Variants in TSNAX observed in about 807,000 individuals in gnomAD.
TSNAX encodes the protein translin-associated protein X.
TSNAX carries 12 observed loss-of-function variants against 33.0 expected under a neutral mutation model. The ratio of observed to expected loss-of-function variants is 0.36; its 90% CI spans 0.23 to 0.59. The LOEUF (loss-of-function observed/expected upper bound fraction) is 0.59. Ranked by LOEUF, TSNAX falls within the 20% of genes least tolerant of loss-of-function variation. The pLI is 0.74. For missense variants in TSNAX, 267 were observed against 341.3 expected (o/e 0.78, Z 1.72); for synonymous variants, 110 against 117.2 (o/e 0.94, Z 0.40).
At chr1:231,543,997 A>C (rs201164799) in intron 4 of TSNAX, among the ~76,000 whole-genome samples, 2 of 152,182 alleles carry the variant, frequency 1.3e-5, no homozygotes, top group Non-Finnish European at 2.9e-5. Flanking sequence ...AAGGTAAATC[A>C]AGCTTGGCAG....
At position 231,529,351 on chromosome 1, in the gene TSNAX, C is replaced by T; in HGVS notation, c.113C>T (p.Ala38Val). The change falls in exon 2 of 6, where the codon GCC becomes GTC. Residue 38 changes from alanine (A) to valine (V), a missense_variant. Coordinates refer to ENST00000366639, the MANE Select transcript of TSNAX (RefSeq NM_005999.3). ...DVNSSSPVML[A>V]FKSFQQELDA... is the part of the protein sequence containing the mutation. The stretch of plus-strand genomic sequence containing the variant: ...AATTCATCTTCACCCGTGATGTTGG[C>T]CTTTAAATGTAAGTTCTCTGCAATG... 6.2e-7 allele frequency: 1 copy of T among 1,613,884 alleles called. No individual in the cohort carries two copies. Among genetic ancestry groups the T allele is most frequent in the Non-Finnish European group, 8.5e-7 (1 of 1,179,894 alleles).
chr1:231,554,241 T>C (rs1660542076), intron 4 of TSNAX, among the ~76,000 whole-genome samples: 1 of 152,058 alleles, frequency 6.6e-6, no homozygotes, highest in South Asian at 2.1e-4. Context: ...ACTAACCTTG[T>C]TAGAAAGTAT....
At position 231,565,790 on chromosome 1, in the gene TSNAX, T is replaced by C. The variant is rs1166079426; in HGVS notation, c.*885T>C. The C allele has an allele frequency of 6.6e-6, 1 of 152,212 alleles. No individual in the cohort carries two copies. The highest frequency in any genetic ancestry group is 1.9e-4 in the East Asian group (1 of 5,202). 9.4% of individuals were successfully genotyped at this position (152,212 alleles called of 1,614,324 possible). ...GTATTATAGTGAAAAATTCGCATTCTGGCTGATTTTAAGCCATTTAAAATT... is the reference window on the plus strand; with the variant it reads ...GTATTATAGTGAAAAATTCGCATTCCGGCTGATTTTAAGCCATTTAAAATT... On this transcript the variant is annotated 3_prime_UTR_variant, in exon 6 of 6. Transcript: ENST00000366639.
chr1:231,528,837 T>C lies in TSNAX; in HGVS notation c.16+11T>C. On this transcript the variant is annotated intron_variant, in intron 1 of 5. Coordinates refer to ENST00000366639, the MANE Select transcript of TSNAX (RefSeq NM_005999.3). ...TGAGCAACAAAGAAGGTGGCGTCCT[T>C]AACAACACGGGGCGTTATTTATCCG... 1 of 1,614,202 alleles carries C rather than the reference T, an allele frequency of 6.2e-7. No individual in the cohort carries two copies. Among genetic ancestry groups the C allele is most frequent in the South Asian group, 1.1e-5 (1 of 91,084 alleles).
At chr1:231,543,676 G>T (rs1471041198) in intron 4 of TSNAX, among the ~76,000 whole-genome samples, 1 of 152,108 alleles carries the variant, frequency 6.6e-6, no homozygotes, top group East Asian at 1.9e-4. Context: ...CAGAAATGTT[G>T]ATATGTCTTC....
intron 2 of TSNAX, among the ~76,000 whole-genome samples, chr1:231,529,924 C>T (rs933518525): frequency 6.6e-6 from 1 of 152,230 alleles, no homozygotes; most frequent in African/African-American, 2.4e-5. Context: ...CTGTACCTTA[C>T]GTTTCTGTGA....
intron 2 of TSNAX, 61 bp from the exon 3 acceptor site, chr1:231,537,152 A>T: frequency 7.5e-7 from 1 of 1,330,408 alleles, no homozygotes; most frequent in Non-Finnish European, 1.1e-6. Context: ...CATCTTAAAA[A>T]TATTGTTTGG....
chr1:231,532,193 G>A (rs908819464), intron 2 of TSNAX, among the ~76,000 whole-genome samples: 1 of 47,386 alleles, frequency 2.1e-5, no homozygotes, highest in Non-Finnish European at 4.2e-5. Flanking sequence ...CACAGTTTTG[G>A]TTTTTTTTTT....
At position 231,531,128 on chromosome 1, in the gene TSNAX, T is replaced by A. The variant is rs959033439; in HGVS notation, c.121+1769T>A. 3.5e-4 allele frequency among the ~76,000 whole-genome samples: 54 copies of A among 152,190 alleles called. 1 individual carries two copies. Among genetic ancestry groups the A allele is most frequent in the African/African-American group, 5.8e-4 (24 of 41,514 alleles). The stretch of plus-strand genomic sequence containing the variant: ...CGTGTGTCACCATGCCTAATTTTTT[T>A]AAATTTTTTTGTAGAGACAGGGTTT... On this transcript the variant is annotated intron_variant, in intron 2 of 5. Coordinates refer to ENST00000366639, the MANE Select transcript of TSNAX (RefSeq NM_005999.3).
intron 3 of TSNAX, among the ~76,000 whole-genome samples, chr1:231,539,719 A>G (rs1273659023): frequency 1.3e-5 from 2 of 152,244 alleles, no homozygotes; most frequent in Non-Finnish European, 2.9e-5. Flanking sequence ...GATAGCCTCT[A>G]TCAACTAGCA....
At chr1:231,545,333 A>G (rs1158709876) in intron 4 of TSNAX, among the ~76,000 whole-genome samples, 1 of 152,200 alleles carries the variant, frequency 6.6e-6, no homozygotes, top group Non-Finnish European at 1.5e-5. Context: ...CCTCATTAAG[A>G]ATAGTGCTAA....
chr1:231,535,019 A>AT (rs763952635), intron 2 of TSNAX: 1 of 152,226 alleles, frequency 6.6e-6, no homozygotes, highest in Non-Finnish European at 1.5e-5. Context: ...TGAGATGATG[A>AT]GAGGCAGTAG....
intron 3 of TSNAX, among the ~76,000 whole-genome samples, chr1:231,538,516 C>T (rs374612941): frequency 1.3e-5 from 2 of 152,118 alleles, no homozygotes; most frequent in Admixed American, 6.5e-5. Context: ...GCCTGTTTCA[C>T]GAGAGGTAGA....
chr1:231,528,684 T>G lies in TSNAX; in HGVS notation c.-127T>G. Reference sequence around the variant, plus strand: ...GAGGAGACTTCCGGCCACTGCGTTGTAGTCGGCCCGGCTGCAAAGCGTTTT... The same window carrying G: ...GAGGAGACTTCCGGCCACTGCGTTGGAGTCGGCCCGGCTGCAAAGCGTTTT... On this transcript the variant is annotated 5_prime_UTR_variant, in exon 1 of 6. Transcript: ENST00000366639. The G allele has an allele frequency of 1.9e-6, 2 of 1,064,678 alleles. No individual in the cohort carries two copies. Among genetic ancestry groups the G allele is most frequent in the South Asian group, 1.3e-5 (1 of 74,630 alleles). The allele number at this position is 1,064,678 out of a possible 1,614,324, so 66.0% of individuals were successfully genotyped here.
At chr1:231,553,804 A>G (rs1356090758) in intron 4 of TSNAX, among the ~76,000 whole-genome samples, 2 of 150,558 alleles carry the variant, frequency 1.3e-5, no homozygotes, top group East Asian at 3.9e-4. Context: ...CTTTTGCCTC[A>G]GCCTCCCGAG....
intron 4 of TSNAX, among the ~76,000 whole-genome samples, chr1:231,551,400 C>T (rs543675624): frequency 3.9e-5 from 6 of 152,298 alleles, no homozygotes; most frequent in East Asian, 1.9e-4. Context: ...AACCTTGGAA[C>T]AAAGTGTACA....
At chr1:231,547,772 T>G (rs1196882700) in intron 4 of TSNAX, among the ~76,000 whole-genome samples, 2 of 151,038 alleles carry the variant, frequency 1.3e-5, no homozygotes, top group Non-Finnish European at 2.9e-5. Flanking sequence ...TTTAGAAGAA[T>G]AACAGCCCCT....
At chr1:231,537,704 G>A (rs918509434) in intron 3 of TSNAX, among the ~76,000 whole-genome samples, 4 of 145,438 alleles carry the variant, frequency 2.8e-5, no homozygotes, top group Non-Finnish European at 4.5e-5. Context: ...TCCCACCACC[G>A]CACTCTAGCC....
chr1:231,564,674 C>G lies in TSNAX; in HGVS notation c.642C>G (p.Pro214=), dbSNP rs1297473785. 1 of 1,614,090 alleles carries G rather than the reference C, an allele frequency of 6.2e-7. No homozygotes were observed. The highest frequency in any genetic ancestry group is 8.5e-7 in the Non-Finnish European group (1 of 1,180,014). The change falls in exon 6 of 6, where the codon CCC becomes CCG. Residue 214 remains proline (P), a synonymous_variant. Transcript: ENST00000366639. ...NSVGNGDIDT[P]FEVSQFLRQV... is the part of the protein sequence containing the mutation. ...TGGGGAATGGGGACATTGATACCCCCTTTGAAGTGAGCCAGTTTTTACGTC... is the reference window on the plus strand; with the variant it reads ...TGGGGAATGGGGACATTGATACCCCGTTTGAAGTGAGCCAGTTTTTACGTC...
Sources: allele counts gnomAD v4.1 joint callset (sites outside exome capture counted in the v4.1 genomes callset), GRCh38; gene constraint gnomAD v4.1.1; transcripts MANE v1.5; gene names NCBI Gene and HGNC (gene_info 2026-07-23, HGNC 2026-07-21).